CAMK2G: variants seen among roughly 807,000 people sequenced by gnomAD.
CAMK2G encodes the protein calcium/calmodulin-dependent protein kinase type II subunit gamma.
Under a neutral mutation model 88.7 loss-of-function variants are expected in CAMK2G, and 23 were observed. The observed-to-expected ratio is 0.26, with a 90% CI of 0.19 to 0.37. CAMK2G has a LOEUF of 0.37. Ranked by LOEUF, CAMK2G falls within the 10% of genes least tolerant of loss-of-function variation. The pLI, the probability that CAMK2G is intolerant of heterozygous loss-of-function variation, is 1.00. For missense variants in CAMK2G, 476 were observed against 780.8 expected (o/e 0.61, Z 4.65); for synonymous variants, 263 against 294.8 (o/e 0.89, Z 1.11).
intron 3 of CAMK2G, among the ~76,000 whole-genome samples, chr10:73,859,012 A>G (rs1317554324): frequency 2.0e-5 from 3 of 152,226 alleles, no homozygotes; most frequent in Non-Finnish European, 4.4e-5. Flanking sequence ...TCCTGCCTAC[A>G]TGAGGACAAA....
chr10:73,859,242 A>G (rs1039856150), intron 3 of CAMK2G, among the ~76,000 whole-genome samples: 1 of 152,236 alleles, frequency 6.6e-6, no homozygotes, highest in African/African-American at 2.4e-5. Context: ...ATGTGAGCTC[A>G]TAGTGGGTGA....
rs1031605435 is a variant in CAMK2G at position 73,848,958 on chromosome 10, C to T, written c.517+55G>A. The stretch of plus-strand genomic sequence containing the variant: ...CTAGTTCTAATAGAGGAAGGCAGAT[C>T]AGGAAGAGGAGGAAGGGCGGGGGCT... On this transcript the variant is annotated intron_variant, in intron 7 of 22. Transcript: ENST00000423381. This position sits in a 1 kb window ranked among gnomAD's most constrained non-coding sequence, Gnocchi z 4.5. The T allele has an allele frequency of 9.1e-7, 1 of 1,104,374 alleles. No homozygotes were observed. Among genetic ancestry groups the T allele is most frequent in the Non-Finnish European group, 1.4e-6 (1 of 714,916 alleles). The allele number at this position is 1,104,374 out of a possible 1,614,324, so 68.4% of individuals were successfully genotyped here. A position where few individuals can be genotyped will look rare whatever the true frequency, so the allele number is the denominator to read the frequency against.
intron 2 of CAMK2G, among the ~76,000 whole-genome samples, chr10:73,864,804 G>A (rs1429045865): frequency 1.3e-5 from 2 of 152,048 alleles, no homozygotes; most frequent in Non-Finnish European, 2.9e-5. Flanking sequence ...CACCATGCCC[G>A]GCTAATTTTT....
At chr10:73,864,743 C>T (rs1038258585) in intron 2 of CAMK2G, among the ~76,000 whole-genome samples, 2 of 151,996 alleles carry the variant, frequency 1.3e-5, no homozygotes, top group Admixed American at 6.6e-5. Context: ...CCCAGGTTCA[C>T]GCCCTTCTCC....
chr10:73,816,535 A>G, intron 21 of CAMK2G: 1 of 770,886 alleles, frequency 1.3e-6, no homozygotes, highest in South Asian at 1.9e-5. Context: ...ATCTTGGCTC[A>G]CTGCAAGCTC....
chr10:73,828,285 C>T (rs997109498), intron 14 of CAMK2G, among the ~76,000 whole-genome samples, 164 bp from the exon 15 acceptor site: 1 of 152,106 alleles, frequency 6.6e-6, no homozygotes, highest in Non-Finnish European at 1.5e-5. Context: ...GCACACGGAC[C>T]GACAGGCACT....
intron 2 of CAMK2G, among the ~76,000 whole-genome samples, chr10:73,870,672 A>C (rs764062275): frequency 5.9e-5 from 9 of 152,196 alleles, no homozygotes; most frequent in Non-Finnish European, 1.0e-4. Flanking sequence ...ACCTTCACAG[A>C]TGACCCTGGT....
At chr10:73,847,546 A>G (rs1565382144) in intron 9 of CAMK2G, among the ~76,000 whole-genome samples, 199 bp from the exon 10 acceptor site, 1 of 152,208 alleles carries the variant, frequency 6.6e-6, no homozygotes. Flanking sequence ...CAGAACAGTC[A>G]TGTTTAGAAT....
chr10:73,855,811 G>A (rs2135309272), intron 3 of CAMK2G, among the ~76,000 whole-genome samples: 1 of 152,360 alleles, frequency 6.6e-6, no homozygotes, highest in Admixed American at 6.5e-5. Flanking sequence ...GAGGGATGGA[G>A]GAAGCTGTAT....
rs561461635 is a variant in CAMK2G, at chr10:73,820,151, G to A, written c.1250-506C>T. Among the ~76,000 whole-genome samples the A allele has an allele frequency of 2.0e-5, 3 of 152,220 alleles. No homozygotes were observed. The East Asian group carries it at 5.8e-4, about 29-fold the overall frequency. On this transcript the variant is annotated intron_variant, in intron 18 of 22. Transcript: ENST00000423381. ...CATGCTCTCCCAGCTCTGTCCTAGAGTGTTCCTCTGTCTTTTCTGATGTCC... is the reference window on the plus strand; with the variant it reads ...CATGCTCTCCCAGCTCTGTCCTAGAATGTTCCTCTGTCTTTTCTGATGTCC...
intron 2 of CAMK2G, among the ~76,000 whole-genome samples, chr10:73,862,297 A>C (rs77655943): frequency 5.8e-3 from 438 of 75,854 alleles, no homozygotes; most frequent in Middle Eastern, 8.5e-3. Flanking sequence ...CTCCTACTCC[A>C]CCCCCCCCCC....
rs1439801834 is a variant in CAMK2G at position 73,861,671 on chromosome 10, G to A, written c.161-782C>T. 5.9e-5 allele frequency among the ~76,000 whole-genome samples: 9 copies of A among 152,236 alleles called. 1 individual carries two copies. In the South Asian group the frequency reaches 1.0e-3, roughly 18 times the overall value. ...GCGCCTGGCCCAGAATCTCTTTCTT[G>A]TTAGGAACACTAATAATAGCTAAGT... is the stretch of plus-strand genomic sequence containing the variant. On this transcript the variant is annotated intron_variant, in intron 2 of 22. Transcript: ENST00000423381.
In CAMK2G at chr10:73,849,046, T is replaced by C; in HGVS notation, c.484A>G (p.Ile162Val). The C allele has an allele frequency of 6.2e-7, 1 of 1,613,828 alleles. No individual in the cohort carries two copies. Among genetic ancestry groups the C allele is most frequent in the Non-Finnish European group, 8.5e-7 (1 of 1,179,718 alleles). Residue 162 changes from isoleucine to valine, a missense_variant, in exon 7 of 23, where the codon ATC (isoleucine) becomes GTC (valine). Ile to Val is a conservative substitution (Grantham distance 29). Coordinates refer to ENST00000423381, the MANE Select transcript of CAMK2G (RefSeq NM_001367534.1). ...GCCTGCTGCTCTCCCTGTACTTCGA[T>C]GGCTAGGCCAAAATCAGCCAGCTTG... The part of the protein sequence containing the change: ...AVKLADFGLA[I>V]EVQGEQQAWF...
chr10:73,863,853 G>A (rs2095481896), intron 2 of CAMK2G, among the ~76,000 whole-genome samples: 1 of 152,178 alleles, frequency 6.6e-6, no homozygotes, highest in African/African-American at 2.4e-5. Context: ...CCAAGGAGCT[G>A]AGCCCTGTGT....
At position 73,839,907 on chromosome 10, in the gene CAMK2G, G is replaced by A. The variant is rs2093632337; in HGVS notation, c.947-306C>T. Among the ~76,000 whole-genome samples the A allele has an allele frequency of 1.3e-5, 2 of 152,190 alleles. No homozygotes were observed. The highest frequency in any genetic ancestry group is 4.1e-4 in the South Asian group (2 of 4,834). On this transcript the variant is annotated intron_variant, in intron 12 of 22. Transcript: ENST00000423381. The surrounding 1 kb of genome is among the most constrained non-coding windows in gnomAD (Gnocchi z 4.2). ...TCCACAGCGAAATGCCTGAGCCGGT[G>A]AGAGGCAGGTGCCCCTTCTGAGGTA...
chr10:73,829,733 GTA>G (rs1190553247), intron 14 of CAMK2G, among the ~76,000 whole-genome samples: 82 of 150,278 alleles, frequency 5.5e-4, no homozygotes, highest in South Asian at 1.5e-3. Flanking sequence ...GTGTGTGTGT[GTA>G]TATCTCCTTA....
At chr10:73,859,167 C>A (rs1054948470) in intron 3 of CAMK2G, among the ~76,000 whole-genome samples, 8 of 152,210 alleles carry the variant, frequency 5.3e-5, no homozygotes, top group African/African-American at 1.9e-4. Flanking sequence ...TCTTCCTGTT[C>A]TGGAACTTCT....
Position 73,817,056 on chromosome 10 carries a change from C to A in CAMK2G, c.1501G>T (p.Gly501Trp). Reference sequence around the variant, plus strand: ...AAGTAAAACTTATGGAAATCCATCCCCTCCACGAGGTTACCAAGGGCCTCA... The same window carrying A: ...AAGTAAAACTTATGGAAATCCATCCACTCCACGAGGTTACCAAGGGCCTCA... ...EPEALGNLVE[G>W]MDFHKFYFEN... Residue 501 changes from glycine to tryptophan, a missense_variant, in exon 21 of 23, where the codon GGG becomes TGG. Transcript: ENST00000423381. The A allele has an allele frequency of 6.2e-7, 1 of 1,614,090 alleles. No individual in the cohort carries two copies. Among genetic ancestry groups the A allele is most frequent in the South Asian group, 1.1e-5 (1 of 91,076 alleles).
Position 73,848,396 on chromosome 10 carries a change from G to T in CAMK2G, c.601+130C>A, listed in dbSNP as rs2094398537. ...TGTGATGGGAACAGCCATCCCAGGG[G>T]CAAACACCATAATTTCACATACACC... On this transcript the variant is annotated intron_variant, in intron 8 of 22. Coordinates refer to ENST00000423381, the MANE Select transcript of CAMK2G (RefSeq NM_001367534.1). The surrounding 1 kb of genome is among the most constrained non-coding windows in gnomAD (Gnocchi z 4.5). The T allele has an allele frequency of 4.2e-6, 3 of 710,792 alleles. No homozygotes were observed. The highest frequency in any genetic ancestry group is 1.8e-5 in the African/African-American group (1 of 57,072). 44.0% of individuals were successfully genotyped at this position (710,792 alleles called of 1,614,324 possible).
Sources: allele counts gnomAD v4.1 joint callset (sites outside exome capture counted in the v4.1 genomes callset), GRCh38; gene constraint gnomAD v4.1.1; non-coding constraint Gnocchi (gnomAD v3.1); transcripts MANE v1.5; gene names NCBI Gene and HGNC (gene_info 2026-07-23, HGNC 2026-07-21).